RALGPS2: variants seen among roughly 807,000 people sequenced by gnomAD.
RALGPS2 encodes the protein Ral GEF with PH domain and SH3 binding motif 2, also known as ras-specific guanine nucleotide-releasing factor RalGPS2.
RALGPS2 carries 43 observed loss-of-function variants against 86.8 expected under a neutral mutation model. The observed-to-expected ratio is 0.50, with a 90% CI of 0.39 to 0.64. RALGPS2 has a LOEUF of 0.64. RALGPS2 is among the 30% of genes least tolerant of loss of function. The pLI is 0.00. For synonymous variants in RALGPS2, 243 were observed against 231.3 expected, an observed-to-expected ratio of 1.05 and a Z score of -0.46; for missense variants, 536 against 694.6, an observed-to-expected ratio of 0.77 and a Z score of 2.57.
At chr1:178,806,367 T>C (rs1429202644) in intron 4 of RALGPS2, among the ~76,000 whole-genome samples, 3 of 152,202 alleles carry the variant, frequency 2.0e-5, no homozygotes, top group African/African-American at 7.2e-5. Flanking sequence ...GCTATTAAGA[T>C]ATCTGATACC....
rs189786825 is a variant in RALGPS2 at position 178,759,687 on chromosome 1, A to G, written c.-83-16995A>G. Among the ~76,000 whole-genome samples, 193 of 152,218 alleles carry G rather than the reference A, an allele frequency of 1.3e-3. 2 individuals are homozygous for G. The highest frequency in any genetic ancestry group is 4.3e-3 in the African/African-American group (177 of 41,542). On this transcript the variant is annotated intron_variant, in intron 1 of 19. Coordinates refer to ENST00000367635, the MANE Select transcript of RALGPS2 (RefSeq NM_152663.5). Reference sequence around the variant, plus strand: ...AATCTGTAGATTAGTTAGTGCAGACAAGTTAAAAATATTGATTCTTTGAGT... The same window carrying G: ...AATCTGTAGATTAGTTAGTGCAGACGAGTTAAAAATATTGATTCTTTGAGT...
chr1:178,728,542 T>C (rs2101996594), intron 1 of RALGPS2, among the ~76,000 whole-genome samples: 1 of 152,230 alleles, frequency 6.6e-6, no homozygotes, highest in East Asian at 1.9e-4. Flanking sequence ...ACGACTGTAT[T>C]TGGAATAAAA....
At chr1:178,891,061 A>G (rs1659694601) in intron 14 of RALGPS2, among the ~76,000 whole-genome samples, 1 of 152,076 alleles carries the variant, frequency 6.6e-6, no homozygotes, top group Non-Finnish European at 1.5e-5. Flanking sequence ...CTTATGACTA[A>G]CCAGAATGGT....
intron 1 of RALGPS2, among the ~76,000 whole-genome samples, chr1:178,770,572 A>G (rs1253928616): frequency 7.5e-6 from 1 of 132,826 alleles, no homozygotes; most frequent in African/African-American, 2.9e-5. Flanking sequence ...GCAGTGGTGC[A>G]ATCTTGGCTT....
intron 7 of RALGPS2, among the ~76,000 whole-genome samples, chr1:178,824,625 G>A (rs185011464): frequency 1.3e-5 from 2 of 152,132 alleles, no homozygotes; most frequent in East Asian, 1.9e-4. Context: ...TGGCTAAAAC[G>A]GTGAAACCCC....
chr1:178,894,038 A>G lies in RALGPS2; in HGVS notation c.1431+14A>G, dbSNP rs1017222119. The G allele has an allele frequency of 3.4e-6, 5 of 1,460,608 alleles. No homozygotes were observed. The highest frequency in any genetic ancestry group is 2.3e-5 in the East Asian group (1 of 43,890). The allele number at this position is 1,460,608 out of a possible 1,614,324, so 90.5% of individuals were successfully genotyped here. A position where few individuals can be genotyped will look rare whatever the true frequency, so the allele number is the denominator to read the frequency against. ...AAAAAGCCTACAGTAAGATTTCATCATATTATATTTTAATACACCTCTAAA... is the reference window on the plus strand; with the variant it reads ...AAAAAGCCTACAGTAAGATTTCATCGTATTATATTTTAATACACCTCTAAA... On this transcript the variant is annotated intron_variant, in intron 16 of 19. Transcript: ENST00000367635.
At chr1:178,864,412 G>C (rs1420200019) in intron 8 of RALGPS2, among the ~76,000 whole-genome samples, 1 of 152,122 alleles carries the variant, frequency 6.6e-6, no homozygotes, top group Non-Finnish European at 1.5e-5. Context: ...ATGCTTTCAA[G>C]ATAAGAAAGA....
intron 7 of RALGPS2, among the ~76,000 whole-genome samples, chr1:178,823,952 T>C (rs1175072074): frequency 6.6e-6 from 1 of 151,918 alleles, no homozygotes; most frequent in Non-Finnish European, 1.5e-5. Flanking sequence ...GGAGCATAGA[T>C]GAAAAGCCCT....
rs532495161 is a variant in RALGPS2 at position 178,788,279 on chromosome 1, A to G, written c.213+2672A>G. 4.6e-5 allele frequency among the ~76,000 whole-genome samples: 7 copies of G among 152,340 alleles called. No individual in the cohort carries two copies. In the South Asian group the frequency reaches 1.4e-3, roughly 32 times the overall value. ...TTACATTTGTGTTGTGATTCAACAAATATTTACTGGATGCCTATTGTATGC... is the reference window on the plus strand; with the variant it reads ...TTACATTTGTGTTGTGATTCAACAAGTATTTACTGGATGCCTATTGTATGC... On this transcript the variant is annotated intron_variant, in intron 4 of 19. Transcript: ENST00000367635.
At chr1:178,850,759 C>T (rs1387104958) in intron 8 of RALGPS2, 2 of 156,312 alleles carry the variant, frequency 1.3e-5, no homozygotes, top group Non-Finnish European at 2.8e-5. Context: ...ATATTTTTTT[C>T]ACTAGACGTT....
At chr1:178,774,599 C>T (rs111468390) in intron 1 of RALGPS2, among the ~76,000 whole-genome samples, 6,258 of 152,160 alleles carry the variant, frequency 0.041, 169 homozygotes, top group African/African-American at 0.071. Flanking sequence ...GGTTTTGTTG[C>T]ATAGCAGTAT....
chr1:178,823,731 G>A (rs139796198), intron 7 of RALGPS2, among the ~76,000 whole-genome samples: 2 of 152,300 alleles, frequency 1.3e-5, no homozygotes, highest in East Asian at 3.9e-4. Flanking sequence ...TGGAGGTGCT[G>A]TTTACTTATA....
At chr1:178,903,025 A>G (rs1660242404) in intron 18 of RALGPS2, among the ~76,000 whole-genome samples, 1 of 152,140 alleles carries the variant, frequency 6.6e-6, no homozygotes, top group Non-Finnish European at 1.5e-5. Flanking sequence ...ACCTGTGACT[A>G]TAGTGGATAC....
chr1:178,859,622 A>G (rs1324089126), intron 8 of RALGPS2, among the ~76,000 whole-genome samples: 1 of 151,044 alleles, frequency 6.6e-6, no homozygotes, highest in East Asian at 2.0e-4. Context: ...ACAAGGAAAG[A>G]CACATAAAGG....
chr1:178,882,563 A>G (rs1244633883), intron 10 of RALGPS2, among the ~76,000 whole-genome samples: 1 of 152,232 alleles, frequency 6.6e-6, no homozygotes, highest in African/African-American at 2.4e-5. Flanking sequence ...TGCCTCTTGT[A>G]TTATTCAATT....
intron 2 of RALGPS2, among the ~76,000 whole-genome samples, chr1:178,779,907 TA>T (rs1653298343): frequency 6.6e-6 from 1 of 152,160 alleles, no homozygotes; most frequent in African/African-American, 2.4e-5. Flanking sequence ...CTAATTTTTG[TA>T]TTTTTAGTAG....
At chr1:178,780,787 A>G (rs1653354233) in intron 2 of RALGPS2, among the ~76,000 whole-genome samples, 1 of 152,184 alleles carries the variant, frequency 6.6e-6, no homozygotes, top group South Asian at 2.1e-4. Flanking sequence ...TCTTTCAAAC[A>G]TATTTCAAAT....
At chr1:178,863,906 GTTT>G (rs1658207996) in intron 8 of RALGPS2, among the ~76,000 whole-genome samples, 1 of 152,088 alleles carries the variant, frequency 6.6e-6, no homozygotes, top group Non-Finnish European at 1.5e-5. Flanking sequence ...TTTAGTCTGT[GTTT>G]TTATTGTTAT....
chr1:178,785,696 T>C (rs1558118632), intron 4 of RALGPS2, 89 bp downstream of exon 4: 3 of 1,446,412 alleles, frequency 2.1e-6, no homozygotes, highest in African/African-American at 2.9e-5. Flanking sequence ...ATACTTCATA[T>C]TAATTTTAAA....
Sources: allele counts gnomAD v4.1 joint callset (sites outside exome capture counted in the v4.1 genomes callset), GRCh38; gene constraint gnomAD v4.1.1; transcripts MANE v1.5; gene names NCBI Gene and HGNC (gene_info 2026-07-23, HGNC 2026-07-21).